The following USP40 variants were observed in gnomAD, a reference collection of about 807,000 sequenced individuals.
USP40 encodes the protein ubiquitin specific peptidase 40.
USP40 carries 143 observed loss-of-function variants against 166.2 expected under a neutral mutation model. That is an observed-to-expected ratio of 0.86 (90% CI 0.75 to 0.99). The LOEUF (loss-of-function observed/expected upper bound fraction) is 0.99. Among genes scored for constraint, USP40 ranks in the 50% least tolerant of loss-of-function variants. The probability of loss-of-function intolerance (pLI) is 0.00; values close to 1 mark genes in which losing one functional copy is unlikely to be tolerated. For missense variants in USP40, 1,444 were observed against 1,479.7 expected (o/e 0.98, Z 0.40); for synonymous variants, 498 against 524.0 (o/e 0.95, Z 0.68).
intron 30 of USP40, 122 bp downstream of exon 30, chr2:233,485,409 C>T: frequency 1.2e-6 from 1 of 829,010 alleles, no homozygotes; most frequent in Non-Finnish European, 1.9e-6. Flanking sequence ...TTTATCCATT[C>T]TCTGAAACAA....
At position 233,486,564 on chromosome 2, in the gene USP40, C is replaced by T. The variant is rs550550097; in HGVS notation, c.3198-587G>A. ...AGGAACAGGGACGTGCAGAGGTCAGCACAGGCCATGGAGGAAAAGCTATAG... is the reference window on the plus strand; with the variant it reads ...AGGAACAGGGACGTGCAGAGGTCAGTACAGGCCATGGAGGAAAAGCTATAG... On this transcript the variant is annotated intron_variant, in intron 28 of 31. Coordinates refer to ENST00000678225, the MANE Select transcript of USP40 (RefSeq NM_001365479.2). This position sits in a 1 kb window ranked among gnomAD's most constrained non-coding sequence, Gnocchi z 4.0. 5.9e-5 allele frequency among the ~76,000 whole-genome samples: 9 copies of T among 152,246 alleles called. No homozygotes were observed. In the East Asian group the frequency reaches 1.7e-3, roughly 29 times the overall value.
chr2:233,516,849 T>C (rs912166876), intron 18 of USP40, among the ~76,000 whole-genome samples: 7 of 149,848 alleles, frequency 4.7e-5, no homozygotes, highest in Admixed American at 4.0e-4. Context: ...AGAGCAAGAC[T>C]CCGTCTCGAA....
At chr2:233,530,631 A>G (rs1474779793) in intron 11 of USP40, among the ~76,000 whole-genome samples, 3 of 152,186 alleles carry the variant, frequency 2.0e-5, no homozygotes, top group Non-Finnish European at 2.9e-5. Context: ...TCACAGAAAT[A>G]GTATCTGATT....
chr2:233,532,967 T>C (rs1279005893), intron 11 of USP40, among the ~76,000 whole-genome samples: 1 of 149,770 alleles, frequency 6.7e-6, no homozygotes, highest in East Asian at 1.9e-4. Flanking sequence ...AAAAGTCTTA[T>C]TGAGAAACAG....
chr2:233,563,948 T>G (rs2071901788), intron 2 of USP40, among the ~76,000 whole-genome samples: 1 of 152,340 alleles, frequency 6.6e-6, no homozygotes, highest in East Asian at 1.9e-4. Context: ...AGGCTACGTT[T>G]CTACTTCGAG....
intron 30 of USP40, among the ~76,000 whole-genome samples, chr2:233,483,847 G>C (rs562164360): frequency 6.6e-6 from 1 of 152,252 alleles, no homozygotes; most frequent in East Asian, 1.9e-4. Context: ...ATTAATTTTA[G>C]GGTTATGAAA....
chr2:233,546,764 T>C (rs2069985445), intron 8 of USP40: 1 of 152,172 alleles, frequency 6.6e-6, no homozygotes, highest in South Asian at 2.1e-4. Flanking sequence ...TAAAGCCTAT[T>C]TGATAAGATA....
In USP40 at chr2:233,554,484, C is replaced by T. The variant is rs201123578; in HGVS notation, c.589G>A (p.Gly197Ser). The T allele has an allele frequency of 2.7e-4, 443 of 1,611,944 alleles. No individual in the cohort carries two copies. The highest frequency in any genetic ancestry group is 3.5e-4 in the Non-Finnish European group (415 of 1,179,266). Residue 197 changes from glycine to serine, a missense_variant, in exon 6 of 32, where the codon GGT becomes AGT. By Grantham distance (56) the Gly-to-Ser change is moderately conservative. Coordinates refer to ENST00000678225, the MANE Select transcript of USP40 (RefSeq NM_001365479.2). ...ATGTTCCAGAGAGCATCTTCCAAAC[C>T]GGATACATTTTTGACTGCTACTGTT... Reference protein sequence around the residue: ...DLTVAVKNVSGLEDALWNMYV... With the variant: ...DLTVAVKNVSSLEDALWNMYV...
intron 21 of USP40, among the ~76,000 whole-genome samples, chr2:233,504,581 T>C (rs2066289123): frequency 6.6e-6 from 1 of 152,042 alleles, no homozygotes; most frequent in Non-Finnish European, 1.5e-5. Context: ...GGTCATTATA[T>C]AATAACTTGT....
intron 30 of USP40, chr2:233,481,519 C>A (rs141382974): frequency 4.4e-5 from 24 of 550,754 alleles, no homozygotes; most frequent in Non-Finnish European, 6.4e-5. Flanking sequence ...AGCCATCTGA[C>A]CTTTCCCTTC....
At position 233,480,041 on chromosome 2, in the gene USP40, A is replaced by G. The variant is rs1167872569; in HGVS notation, c.3599+1162T>C. Among the ~76,000 whole-genome samples, 1 of 152,076 alleles carries G rather than the reference A, an allele frequency of 6.6e-6. No homozygotes were observed. Among genetic ancestry groups the G allele is most frequent in the South Asian group, 2.1e-4 (1 of 4,822 alleles). On this transcript the variant is annotated intron_variant, in intron 31 of 31. Coordinates refer to ENST00000678225, the MANE Select transcript of USP40 (RefSeq NM_001365479.2). This position sits in a 1 kb window ranked among gnomAD's most constrained non-coding sequence, Gnocchi z 4.5. ...CACAAAGCAGCCAGTGATCATGTCA[A>G]CGCGTCCCCCTTCACACCCTCCAGC...
intron 15 of USP40, among the ~76,000 whole-genome samples, chr2:233,524,173 A>T (rs994069490): frequency 6.6e-6 from 1 of 152,108 alleles, no homozygotes; most frequent in Non-Finnish European, 1.5e-5. Flanking sequence ...CCTGTCACCC[A>T]GGCTGGAGTG....
chr2:233,515,820 G>A (rs1482081269), intron 18 of USP40, among the ~76,000 whole-genome samples: 1 of 152,132 alleles, frequency 6.6e-6, no homozygotes, highest in Non-Finnish European at 1.5e-5. Context: ...TGTAGTTTTA[G>A]GTTTTAACTT....
Position 233,486,348 on chromosome 2 carries a change from C to A in USP40, c.3198-371G>T, listed in dbSNP as rs1348117548. On this transcript the variant is annotated intron_variant, in intron 28 of 31. Transcript: ENST00000678225. This position sits in a 1 kb window ranked among gnomAD's most constrained non-coding sequence, Gnocchi z 4.0. ...CGGCAGCTGGCAGGAGGAGAGCGGG[C>A]TCGAGGTAGGCAGTTATGCCCTTGA... is the stretch of plus-strand genomic sequence containing the variant. Among the ~76,000 whole-genome samples, 1 of 152,084 alleles carries A rather than the reference C, an allele frequency of 6.6e-6. No homozygotes were observed. Among genetic ancestry groups the A allele is most frequent in the African/African-American group, 2.4e-5 (1 of 41,414 alleles).
chr2:233,498,876 T>C (rs563378731), intron 22 of USP40, among the ~76,000 whole-genome samples: 1 of 152,336 alleles, frequency 6.6e-6, no homozygotes, highest in Non-Finnish European at 1.5e-5. Context: ...CATTTTACAT[T>C]CCGTCATCTA....
rs189311932 is a variant in USP40, at chr2:233,479,391, C to T, written c.3599+1812G>A. Reference sequence around the variant, plus strand: ...CATCCTGGCCAACATGGTGAAACCTCGTCTCTACTAAAAATACAAAAATTA... The same window carrying T: ...CATCCTGGCCAACATGGTGAAACCTTGTCTCTACTAAAAATACAAAAATTA... On this transcript the variant is annotated intron_variant, in intron 31 of 31. Transcript: ENST00000678225. Among the ~76,000 whole-genome samples, 490 of 152,200 alleles carry T rather than the reference C, an allele frequency of 3.2e-3. 1 individual carries two copies. The highest frequency in any genetic ancestry group is 0.011 in the African/African-American group (474 of 41,526).
intron 17 of USP40, among the ~76,000 whole-genome samples, chr2:233,520,054 T>C (rs748659200): frequency 2.2e-4 from 34 of 152,156 alleles, no homozygotes; most frequent in Non-Finnish European, 4.6e-4. Flanking sequence ...TCAGGAATGA[T>C]GAATGTGGGG....
intron 7 of USP40, among the ~76,000 whole-genome samples, chr2:233,549,589 G>A (rs535605250): frequency 2.6e-5 from 4 of 151,952 alleles, no homozygotes; most frequent in East Asian, 3.9e-4. Context: ...ACCCATCTTC[G>A]TACAATACCT....
chr2:233,491,558 T>C (rs2065340132), intron 25 of USP40, among the ~76,000 whole-genome samples: 1 of 151,996 alleles, frequency 6.6e-6, no homozygotes, highest in Non-Finnish European at 1.5e-5. Flanking sequence ...TTCTGTATGT[T>C]AGCTTCCTGT....
Sources: allele counts gnomAD v4.1 joint callset (sites outside exome capture counted in the v4.1 genomes callset), GRCh38; gene constraint gnomAD v4.1.1; non-coding constraint Gnocchi (gnomAD v3.1); transcripts MANE v1.5; gene names NCBI Gene and HGNC (gene_info 2026-07-23, HGNC 2026-07-21).